Variants in CNTNAP2 observed in about 807,000 individuals in gnomAD.
CNTNAP2 encodes contactin associated protein 2, also known as contactin-associated protein-like 2.
A neutral mutation model predicts 155.2 loss-of-function variants in CNTNAP2; 98 were observed. The observed-to-expected ratio is 0.63, with a 90% CI of 0.54 to 0.75. CNTNAP2 has a LOEUF of 0.75. Among genes scored for constraint, CNTNAP2 ranks in the 30% least tolerant of loss-of-function variants. The pLI, the probability that CNTNAP2 is intolerant of heterozygous loss-of-function variation, is 0.00. For missense variants in CNTNAP2, 1,727 were observed against 1,688.1 expected, an observed-to-expected ratio of 1.02 and a Z score of -0.40; for synonymous variants, 651 against 631.2, an observed-to-expected ratio of 1.03 and a Z score of -0.47.
At chr7:147,194,301 T>C (rs1417438473) in intron 8 of CNTNAP2, among the ~76,000 whole-genome samples, 2 of 152,214 alleles carry the variant, frequency 1.3e-5, no homozygotes, top group Non-Finnish European at 2.9e-5. Context: ...ATGGTGTATA[T>C]GTACCACATT....
intron 13 of CNTNAP2, among the ~76,000 whole-genome samples, chr7:147,681,795 A>G (rs975634906): frequency 8.7e-5 from 13 of 149,932 alleles, no homozygotes; most frequent in African/African-American, 2.9e-4. Flanking sequence ...AGTATTTTGC[A>G]AGAGAGAGAG....
chr7:147,623,785 A>T (rs1445849370), intron 12 of CNTNAP2, among the ~76,000 whole-genome samples: 1 of 152,046 alleles, frequency 6.6e-6, no homozygotes, highest in Non-Finnish European at 1.5e-5. Flanking sequence ...ATTTGGAACC[A>T]CAAAAGACCC....
At chr7:147,875,363 G>A (rs1057023254) in intron 13 of CNTNAP2, among the ~76,000 whole-genome samples, 2 of 152,076 alleles carry the variant, frequency 1.3e-5, no homozygotes, top group Admixed American at 1.3e-4. Flanking sequence ...TGTGTACAGG[G>A]GAACTGCCCT....
At chr7:147,288,673 T>C (rs977991522) in intron 8 of CNTNAP2, among the ~76,000 whole-genome samples, 2 of 152,204 alleles carry the variant, frequency 1.3e-5, no homozygotes, top group African/African-American at 4.8e-5. Context: ...ACAACAGATA[T>C]TAAGTGTGAC....
chr7:147,856,572 G>A (rs931998507), intron 13 of CNTNAP2, among the ~76,000 whole-genome samples: 2 of 151,688 alleles, frequency 1.3e-5, no homozygotes, highest in African/African-American at 2.4e-5. Context: ...TGTTTCAAGC[G>A]CCCAATACTT....
chr7:146,408,664 C>T (rs1352907270), intron 1 of CNTNAP2, among the ~76,000 whole-genome samples: 1 of 151,402 alleles, frequency 6.6e-6, no homozygotes, highest in Non-Finnish European at 1.5e-5. Flanking sequence ...AGGAGATATA[C>T]CTAATGTAAA....
chr7:147,641,408 G>A (rs56130548), intron 13 of CNTNAP2, among the ~76,000 whole-genome samples: 10,462 of 152,056 alleles, frequency 0.069, 380 homozygotes, highest in Non-Finnish European at 0.075. Flanking sequence ...TCATCCAGAG[G>A]GCCAGTACTT....
At chr7:147,434,794 A>G (rs978839577) in intron 10 of CNTNAP2, among the ~76,000 whole-genome samples, 2 of 152,228 alleles carry the variant, frequency 1.3e-5, no homozygotes, top group East Asian at 1.9e-4. Context: ...TAAGTTCGCC[A>G]TGGTCTGCTA....
chr7:146,266,187 T>C (rs570562286), intron 1 of CNTNAP2, among the ~76,000 whole-genome samples: 6 of 152,174 alleles, frequency 3.9e-5, no homozygotes, highest in Non-Finnish European at 8.8e-5. Flanking sequence ...TTCACAGTGA[T>C]ACTTAGAGAC....
chr7:147,893,884 C>T (rs1336633567), intron 13 of CNTNAP2, among the ~76,000 whole-genome samples: 1 of 152,162 alleles, frequency 6.6e-6, no homozygotes, highest in East Asian at 1.9e-4. Flanking sequence ...GACTAGTAGC[C>T]TGTTTCCATT....
At chr7:146,488,042 C>T (rs1249150240) in intron 1 of CNTNAP2, among the ~76,000 whole-genome samples, 1 of 152,118 alleles carries the variant, frequency 6.6e-6, no homozygotes, top group Non-Finnish European at 1.5e-5. Flanking sequence ...CTAGATTTAG[C>T]CCACTCTTCA....
intron 3 of CNTNAP2, among the ~76,000 whole-genome samples, chr7:146,950,045 G>T (rs1797277256): frequency 6.6e-6 from 1 of 152,058 alleles, no homozygotes; most frequent in Non-Finnish European, 1.5e-5. Context: ...ATTAACAAGA[G>T]AAACAATAAC....
At chr7:147,241,257 C>T (rs1803930952) in intron 8 of CNTNAP2, among the ~76,000 whole-genome samples, 1 of 152,180 alleles carries the variant, frequency 6.6e-6, no homozygotes, top group African/African-American at 2.4e-5. Context: ...CTGGGTCATT[C>T]TCCCTGAGCT....
At chr7:147,597,677 G>C (rs942033515) in intron 12 of CNTNAP2, among the ~76,000 whole-genome samples, 1 of 152,174 alleles carries the variant, frequency 6.6e-6, no homozygotes, top group African/African-American at 2.4e-5. Context: ...TCATCTCAGA[G>C]AAGTGCTTTT....
intron 1 of CNTNAP2, chr7:146,208,515 T>C (rs1798983949): frequency 6.6e-6 from 1 of 151,384 alleles, no homozygotes; most frequent in South Asian, 2.1e-4. Flanking sequence ...ATCAATAAAG[T>C]ATTACTGGAA....
At chr7:147,855,061 T>C (rs1799013747) in intron 13 of CNTNAP2, among the ~76,000 whole-genome samples, 1 of 152,218 alleles carries the variant, frequency 6.6e-6, no homozygotes, top group Non-Finnish European at 1.5e-5. Context: ...CATCTGTTTC[T>C]TTTTACTTCT....
chr7:147,564,565 A>T (rs993925394), intron 12 of CNTNAP2, among the ~76,000 whole-genome samples: 2 of 152,176 alleles, frequency 1.3e-5, no homozygotes, highest in African/African-American at 4.8e-5. Flanking sequence ...CTGGACAATT[A>T]AGAATTTATT....
intron 1 of CNTNAP2, among the ~76,000 whole-genome samples, chr7:146,455,097 C>A (rs1461324614): frequency 6.6e-6 from 1 of 152,224 alleles, no homozygotes; most frequent in African/African-American, 2.4e-5. Flanking sequence ...ATGTCAAATC[C>A]TTTTATCCTT....
At chr7:146,494,673 T>C (rs1329996122) in intron 1 of CNTNAP2, among the ~76,000 whole-genome samples, 1 of 152,186 alleles carries the variant, frequency 6.6e-6, no homozygotes, top group Non-Finnish European at 1.5e-5. Context: ...GAAACACATG[T>C]TCTAATTAAC....
Sources: allele counts gnomAD v4.1 joint callset (sites outside exome capture counted in the v4.1 genomes callset), GRCh38; gene constraint gnomAD v4.1.1; transcripts MANE v1.5; gene names NCBI Gene and HGNC (gene_info 2026-07-23, HGNC 2026-07-21).